Variants in ARHGAP15 observed in about 807,000 individuals in gnomAD.
ARHGAP15 encodes the protein Rho GTPase activating protein 15.
ARHGAP15 carries 51 observed loss-of-function variants against 63.7 expected under a neutral mutation model. The ratio of observed to expected loss-of-function variants is 0.80; its 90% CI spans 0.64 to 1.01. The LOEUF is 1.01. Ranked by LOEUF, ARHGAP15 falls within the 50% of genes least tolerant of loss-of-function variation. The pLI is 0.00. For missense variants in ARHGAP15, 560 were observed against 564.6 expected, an observed-to-expected ratio of 0.99 and a Z score of 0.08; for synonymous variants, 191 against 193.8, an observed-to-expected ratio of 0.99 and a Z score of 0.12.
intron 11 of ARHGAP15, among the ~76,000 whole-genome samples, chr2:143,594,884 T>C (rs184646305): frequency 6.6e-6 from 1 of 152,308 alleles, no homozygotes; most frequent in Non-Finnish European, 1.5e-5. Flanking sequence ...GTTAAGGTTA[T>C]GACAGAAGGT....
intron 6 of ARHGAP15, among the ~76,000 whole-genome samples, chr2:143,409,230 C>T (rs1305025144): frequency 6.6e-6 from 1 of 151,916 alleles, no homozygotes; most frequent in Non-Finnish European, 1.5e-5. Flanking sequence ...ACACATATAT[C>T]ATACACCCAC....
chr2:143,741,492 T>C (rs1199826050), intron 13 of ARHGAP15, among the ~76,000 whole-genome samples: 1 of 152,200 alleles, frequency 6.6e-6, no homozygotes, highest in Non-Finnish European at 1.5e-5. Context: ...AGGAAGCATA[T>C]GTTTTAACCC....
intron 6 of ARHGAP15, among the ~76,000 whole-genome samples, chr2:143,415,980 G>A (rs1688657976): frequency 6.6e-6 from 1 of 151,994 alleles, no homozygotes; most frequent in South Asian, 2.1e-4. Flanking sequence ...AAGGGGAAAG[G>A]GTGGGAAGGG....
chr2:143,400,212 G>C (rs2104993972), intron 6 of ARHGAP15, among the ~76,000 whole-genome samples: 1 of 152,090 alleles, frequency 6.6e-6, no homozygotes, highest in East Asian at 1.9e-4. Flanking sequence ...TGTTACAATA[G>C]AAATTTGGGT....
chr2:143,606,049 A>AAAAAAC (rs1698004773), intron 11 of ARHGAP15, among the ~76,000 whole-genome samples: 1 of 135,188 alleles, frequency 7.4e-6, no homozygotes, highest in Non-Finnish European at 1.6e-5. Context: ...AAAAAAAAAA[A>AAAAAAC]AAAAAAAAAA....
chr2:143,567,890 T>C (rs1011234974), intron 11 of ARHGAP15, among the ~76,000 whole-genome samples: 8 of 152,014 alleles, frequency 5.3e-5, no homozygotes, highest in African/African-American at 1.7e-4. Flanking sequence ...AACTGCAAAA[T>C]AGAATAATCA....
intron 6 of ARHGAP15, among the ~76,000 whole-genome samples, chr2:143,356,683 C>T (rs1283306206): frequency 1.3e-5 from 2 of 152,118 alleles, no homozygotes; most frequent in African/African-American, 2.4e-5. Flanking sequence ...TGTTTTATAA[C>T]ACAATTTATG....
At chr2:143,145,054 T>C (rs1475398482) in intron 1 of ARHGAP15, among the ~76,000 whole-genome samples, 1 of 152,078 alleles carries the variant, frequency 6.6e-6, no homozygotes, top group Non-Finnish European at 1.5e-5. Context: ...TAAGTCTGCA[T>C]ATTTAATAAG....
chr2:143,345,850 G>A (rs1685248826), intron 6 of ARHGAP15, among the ~76,000 whole-genome samples: 1 of 151,978 alleles, frequency 6.6e-6, no homozygotes, highest in African/African-American at 2.4e-5. Flanking sequence ...TGTTGCTGCT[G>A]GGGAAAGCAA....
intron 12 of ARHGAP15, among the ~76,000 whole-genome samples, chr2:143,667,596 AAAAAAAAG>A (rs1682287470): frequency 2.0e-5 from 3 of 151,616 alleles, no homozygotes; most frequent in Admixed American, 6.6e-5. Flanking sequence ...AAAAAAAAAA[AAAAAAAAG>A]AAAAGAAGTG....
intron 12 of ARHGAP15, among the ~76,000 whole-genome samples, chr2:143,624,476 GA>G (rs972271142): frequency 6.6e-6 from 1 of 151,228 alleles, no homozygotes; most frequent in Non-Finnish European, 1.5e-5. Context: ...TTTTAATTAG[GA>G]AAAAAAATAT....
At chr2:143,246,996 G>A (rs1049646281) in intron 5 of ARHGAP15, among the ~76,000 whole-genome samples, 1 of 152,204 alleles carries the variant, frequency 6.6e-6, no homozygotes, top group Admixed American at 6.5e-5. Flanking sequence ...TTAGGAGGCT[G>A]TAGGGTAAAC....
At chr2:143,662,199 C>A (rs1381019847) in intron 12 of ARHGAP15, among the ~76,000 whole-genome samples, 1 of 152,142 alleles carries the variant, frequency 6.6e-6, no homozygotes, top group Non-Finnish European at 1.5e-5. Flanking sequence ...GTGGTTCTCC[C>A]AGCATGCAGC....
chr2:143,292,595 T>TTAAAC (rs1682455628), intron 6 of ARHGAP15, among the ~76,000 whole-genome samples: 1 of 151,798 alleles, frequency 6.6e-6, no homozygotes, highest in Admixed American at 6.6e-5. Context: ...TTAAATTAAA[T>TTAAAC]TTTTAATAGA....
At chr2:143,542,721 A>AATATCACATATATAATATATATGATATAT (rs1559040340) in intron 10 of ARHGAP15, among the ~76,000 whole-genome samples, 12 of 124,010 alleles carry the variant, frequency 9.7e-5, no homozygotes, top group African/African-American at 2.7e-4. Flanking sequence ...TGATATATAT[A>AATATCACATATATAATATATATGATATAT]ATATCACATA....
At chr2:143,678,087 C>G (rs1682916361) in intron 12 of ARHGAP15, among the ~76,000 whole-genome samples, 1 of 152,112 alleles carries the variant, frequency 6.6e-6, no homozygotes, top group Admixed American at 6.6e-5. Flanking sequence ...TGGTGCATGA[C>G]TGTAATCCAG....
At chr2:143,428,647 T>C (rs933734636) in intron 6 of ARHGAP15, among the ~76,000 whole-genome samples, 36 of 152,242 alleles carry the variant, frequency 2.4e-4, no homozygotes, top group African/African-American at 8.7e-4. Flanking sequence ...ACATACATAA[T>C]GTTTCCTCGT....
intron 6 of ARHGAP15, among the ~76,000 whole-genome samples, chr2:143,298,896 T>C (rs951023561): frequency 6.6e-6 from 1 of 151,984 alleles, no homozygotes; most frequent in African/African-American, 2.4e-5. Context: ...GTCCCCACTT[T>C]ACAGATATCA....
intron 2 of ARHGAP15, among the ~76,000 whole-genome samples, chr2:143,189,669 C>T (rs1691602050): frequency 6.6e-6 from 1 of 151,884 alleles, no homozygotes; most frequent in African/African-American, 2.4e-5. Flanking sequence ...ACCATGTTGG[C>T]CAGGCTGGTA....
Sources: allele counts gnomAD v4.1 joint callset (sites outside exome capture counted in the v4.1 genomes callset), GRCh38; gene constraint gnomAD v4.1.1; transcripts MANE v1.5; gene names NCBI Gene and HGNC (gene_info 2026-07-23, HGNC 2026-07-21).